XPO1: variants seen among roughly 807,000 people sequenced by gnomAD.
XPO1 encodes exportin-1.
XPO1 carries 5 observed loss-of-function variants against 133.3 expected under a neutral mutation model. The observed-to-expected ratio is 0.04, with a 90% CI of 0.02 to 0.08. The LOEUF (loss-of-function observed/expected upper bound fraction) is 0.08. XPO1 is among the 10% of genes least tolerant of loss of function. XPO1 has a pLI of 1.00. For missense variants in XPO1, 506 were observed against 1,267.5 expected, an observed-to-expected ratio of 0.40 and a Z score of 9.12; for synonymous variants, 419 against 408.2, an observed-to-expected ratio of 1.03 and a Z score of -0.32.
chr2:61,530,716 TAC>T (rs1699112589), intron 2 of XPO1, among the ~76,000 whole-genome samples: 1 of 151,508 alleles, frequency 6.6e-6, no homozygotes, highest in African/African-American at 2.4e-5. Flanking sequence ...TCCCCCAAGT[TAC>T]ACATTCCTTT....
At chr2:61,490,287 C>G (rs1230520234) in intron 17 of XPO1, among the ~76,000 whole-genome samples, 2 of 151,900 alleles carry the variant, frequency 1.3e-5, no homozygotes, top group Non-Finnish European at 2.9e-5. Flanking sequence ...CAACCTCTGC[C>G]TCTTGGGTTC....
At position 61,493,876 on chromosome 2, in the gene XPO1, A is replaced by C; in HGVS notation, c.1245+18T>G. 6.2e-7 allele frequency: 1 copy of C among 1,613,802 alleles called. No individual in the cohort carries two copies. The highest frequency in any genetic ancestry group is 1.1e-5 in the South Asian group (1 of 91,030). On this transcript the variant is annotated intron_variant, in intron 12 of 24. Coordinates refer to ENST00000401558, the MANE Select transcript of XPO1 (RefSeq NM_003400.4). ...ACAGTATGCAACAGGAAGAACACTC[A>C]ACCAACCGCTCTGTTACCTTGAATA...
chr2:61,515,749 A>T (rs1043400381), intron 4 of XPO1, among the ~76,000 whole-genome samples: 3 of 152,064 alleles, frequency 2.0e-5, no homozygotes, highest in Non-Finnish European at 2.9e-5. Flanking sequence ...TAAAGACATG[A>T]AACTGTACAA....
chr2:61,512,756 T>C (rs1252634946), intron 4 of XPO1, among the ~76,000 whole-genome samples: 1 of 152,152 alleles, frequency 6.6e-6, no homozygotes. Context: ...GAAACAAAGT[T>C]GGGGAGCTGG....
In XPO1 at chr2:61,491,536, T is replaced by C. The variant is rs78480856; in HGVS notation, c.1887+499A>G. Among the ~76,000 whole-genome samples the C allele has an allele frequency of 4.5e-4, 68 of 151,638 alleles. No individual in the cohort carries two copies. The East Asian group carries it at 0.013, about 28-fold the overall frequency. Reference sequence around the variant, plus strand: ...AAAACAAAAAACACCTGATTTTGTTTGTTCGGAATAATTTTACATAGGACA... The same window carrying C: ...AAAACAAAAAACACCTGATTTTGTTCGTTCGGAATAATTTTACATAGGACA... On this transcript the variant is annotated intron_variant, in intron 16 of 24. Transcript: ENST00000401558.
Position 61,495,492 on chromosome 2 carries a change from A to G in XPO1, c.1010T>C (p.Ile337Thr), listed in dbSNP as rs1172819029. The G allele has an allele frequency of 2.5e-6, 4 of 1,568,824 alleles. No homozygotes were observed. Among genetic ancestry groups the G allele is most frequent in the Non-Finnish European group, 3.5e-6 (4 of 1,153,440 alleles). The change falls in exon 11 of 25, where the codon ATA becomes ACA. Residue 337 changes from isoleucine (I) to threonine (T), a missense_variant. By Grantham distance (89) the Ile-to-Thr change is moderately conservative. Coordinates refer to ENST00000401558, the MANE Select transcript of XPO1 (RefSeq NM_003400.4). Reference sequence around the variant, plus strand: ...TTCCCTGAGATTTAATCTTTTTTCTATAAGTTGATCATGTTCCTTAAGAAA... The same window carrying G: ...TTCCCTGAGATTTAATCTTTTTTCTGTAAGTTGATCATGTTCCTTAAGAAA... ...CTFLKEHDQL[I>T]EKRLNLRETL...
At chr2:61,486,551 G>C (rs1227943280) in intron 19 of XPO1, among the ~76,000 whole-genome samples, 1 of 152,074 alleles carries the variant, frequency 6.6e-6, no homozygotes, top group African/African-American at 2.4e-5. Flanking sequence ...CCGCCTCCAG[G>C]TTCACGCCAT....
intron 2 of XPO1, among the ~76,000 whole-genome samples, chr2:61,528,076 G>GCA (rs1213060243): frequency 8.6e-5 from 13 of 151,650 alleles, no homozygotes; most frequent in African/African-American, 3.1e-4. Flanking sequence ...ACAGGCACCT[G>GCA]CCACCACGCC....
Position 61,481,925 on chromosome 2 carries a change from C to T in XPO1, c.2972+455G>A, listed in dbSNP as rs866876049. On this transcript the variant is annotated intron_variant, in intron 23 of 24. Transcript: ENST00000401558. ...TAATTTTTTGTATTTTTAGTAGAAACGGGGTTTCACCATCTTGGCCAGGCT... is the reference window on the plus strand; with the variant it reads ...TAATTTTTTGTATTTTTAGTAGAAATGGGGTTTCACCATCTTGGCCAGGCT... Among the ~76,000 whole-genome samples, 6 of 150,816 alleles carry T rather than the reference C, an allele frequency of 4.0e-5. No individual in the cohort carries two copies. The South Asian group carries it at 6.3e-4, about 16-fold the overall frequency.
intron 19 of XPO1, among the ~76,000 whole-genome samples, chr2:61,486,879 G>A (rs1696721471): frequency 6.6e-6 from 1 of 152,092 alleles, no homozygotes; most frequent in African/African-American, 2.4e-5. Flanking sequence ...TGATTCGCCT[G>A]CCTTACCCTC....
At chr2:61,530,857 G>C (rs568308541) in intron 2 of XPO1, among the ~76,000 whole-genome samples, 82 of 151,758 alleles carry the variant, frequency 5.4e-4, no homozygotes, top group East Asian at 1.2e-3. Context: ...TTAATTTTAA[G>C]CAATGAGTAT....
chr2:61,536,218 C>T (rs550229030), intron 1 of XPO1: 2 of 152,226 alleles, frequency 1.3e-5, no homozygotes, highest in Admixed American at 6.5e-5. Flanking sequence ...CTGAACTGTA[C>T]ATAGTACAGA....
intron 4 of XPO1, among the ~76,000 whole-genome samples, chr2:61,505,857 T>G (rs1396323838): frequency 6.6e-6 from 1 of 152,162 alleles, no homozygotes; most frequent in African/African-American, 2.4e-5. Context: ...CCTGGCTGAT[T>G]CTGACTCTTA....
intron 17 of XPO1, among the ~76,000 whole-genome samples, chr2:61,490,402 T>C (rs939855976): frequency 2.6e-5 from 4 of 151,690 alleles, no homozygotes; most frequent in Non-Finnish European, 5.9e-5. Context: ...TTTTGCCATG[T>C]TGGCCAGGCT....
chr2:61,490,519 G>A, intron 17 of XPO1, 123 bp downstream of exon 17: 1 of 1,343,628 alleles, frequency 7.4e-7, no homozygotes, highest in Non-Finnish European at 1.0e-6. Context: ...ATTATAGAAA[G>A]ACACACATAA....
At chr2:61,510,384 C>T (rs1698029657) in intron 4 of XPO1, among the ~76,000 whole-genome samples, 1 of 152,206 alleles carries the variant, frequency 6.6e-6, no homozygotes, top group Non-Finnish European at 1.5e-5. Flanking sequence ...ATTGTTACTA[C>T]TGTTCTCTCA....
chr2:61,516,138 A>C (rs1435514762), intron 4 of XPO1, among the ~76,000 whole-genome samples: 3 of 148,636 alleles, frequency 2.0e-5, no homozygotes, highest in African/African-American at 7.4e-5. Flanking sequence ...AATTAAAAAA[A>C]AACAAAACAA....
intron 4 of XPO1, among the ~76,000 whole-genome samples, chr2:61,503,836 G>C (rs1437783825): frequency 1.3e-5 from 2 of 152,140 alleles, no homozygotes; most frequent in Admixed American, 6.6e-5. Flanking sequence ...CAGACTGCTG[G>C]GATTATAGGC....
At position 61,482,518 on chromosome 2, in the gene XPO1, A is replaced by G; in HGVS notation, c.2834T>C (p.Ile945Thr). ...HTAGLTMHASILAYMFNLVEE... is the reference protein window; with the variant it reads ...HTAGLTMHASTLAYMFNLVEE... ...AACCAAATTAAACATATATGCAAGA[A>G]TTGATGCATGCATTGTTAAACCTGT... is the stretch of plus-strand genomic sequence containing the variant. The change falls in exon 23 of 25, where the codon ATT (isoleucine) becomes ACT (threonine). Residue 945 changes from isoleucine to threonine, a missense_variant. Physicochemically the swap from Ile to Thr is moderately conservative, Grantham distance 89. Coordinates refer to ENST00000401558, the MANE Select transcript of XPO1 (RefSeq NM_003400.4). 1 of 1,610,500 alleles carries G rather than the reference A, an allele frequency of 6.2e-7. No individual in the cohort carries two copies. Among genetic ancestry groups the G allele is most frequent in the Non-Finnish European group, 8.5e-7 (1 of 1,178,544 alleles).
Sources: allele counts gnomAD v4.1 joint callset (sites outside exome capture counted in the v4.1 genomes callset), GRCh38; gene constraint gnomAD v4.1.1; transcripts MANE v1.5; gene names NCBI Gene and HGNC (gene_info 2026-07-23, HGNC 2026-07-21).